The following TG variants were observed in gnomAD, a reference collection of about 807,000 sequenced individuals.
TG encodes thyroid hormones.
TG carries 270 observed loss-of-function variants against 324.7 expected under a neutral mutation model. The observed-to-expected ratio is 0.83, with a 90% CI of 0.75 to 0.92. The LOEUF (loss-of-function observed/expected upper bound fraction) is 0.92. TG is among the 40% of genes least tolerant of loss of function. The pLI, the probability that TG is intolerant of heterozygous loss-of-function variation, is 0.00. For synonymous variants in TG, 1,401 were observed against 1,327.0 expected, an observed-to-expected ratio of 1.06 and a Z score of -1.21; for missense variants, 3,591 against 3,456.4, an observed-to-expected ratio of 1.04 and a Z score of -0.98.
chr8:133,102,554 G>A lies in TG; in HGVS notation c.7572+6181G>A, dbSNP rs186646388. The A allele has an allele frequency of 4.9e-3, 7,553 of 1,551,524 alleles. 29 individuals carry two copies. Among genetic ancestry groups the A allele is most frequent in the Non-Finnish European group, 5.9e-3 (6,715 of 1,146,846 alleles). ...ATGACAGCAAAGTTAGCAACCTACC[G>A]GTGGAGCATCAGGGCTGCCTGAGAT... On this transcript the variant is annotated intron_variant, in intron 43 of 47. Coordinates refer to ENST00000220616, the MANE Select transcript of TG (RefSeq NM_003235.5).
In TG at chr8:133,095,131, C is replaced by T; in HGVS notation, c.7327C>T (p.Pro2443Ser). The change falls in exon 42 of 48, where the codon CCC (proline) becomes TCC (serine). Residue 2443 changes from proline (P) to serine (S), a missense_variant. Coordinates refer to ENST00000220616, the MANE Select transcript of TG (RefSeq NM_003235.5). ...TGCTTTGGCAAAGGAGGTCAGTTGC[C>T]CCATGTCATCCAGCCAAGAAGTGGT... is the stretch of plus-strand genomic sequence containing the variant. The part of the protein sequence containing the change: ...AIALAKEVSC[P>S]MSSSQEVVSC... 1 of 1,614,194 alleles carries T rather than the reference C, an allele frequency of 6.2e-7. No individual in the cohort carries two copies. Among genetic ancestry groups the T allele is most frequent in the Non-Finnish European group, 8.5e-7 (1 of 1,180,024 alleles).
At chr8:133,066,712 G>A (rs1045870210) in intron 41 of TG, among the ~76,000 whole-genome samples, 1 of 152,196 alleles carries the variant, frequency 6.6e-6, no homozygotes, top group Non-Finnish European at 1.5e-5. Flanking sequence ...GGGCAAGTTA[G>A]TTCACTTCTC....
At chr8:132,884,980 T>C (rs1815177045) in intron 8 of TG, among the ~76,000 whole-genome samples, 1 of 152,250 alleles carries the variant, frequency 6.6e-6, no homozygotes, top group South Asian at 2.1e-4. Context: ...ATGGCCTCGT[T>C]GAGGGATGTT....
At chr8:132,985,736 G>A (rs1309947122) in intron 35 of TG, among the ~76,000 whole-genome samples, 1 of 152,126 alleles carries the variant, frequency 6.6e-6, no homozygotes, top group Non-Finnish European at 1.5e-5. Context: ...GGGAGCTGCA[G>A]ATCGTGTGGG....
At chr8:133,132,946 A>G (rs563604605) in intron 46 of TG, among the ~76,000 whole-genome samples, 1 of 152,350 alleles carries the variant, frequency 6.6e-6, no homozygotes, top group East Asian at 1.9e-4. Context: ...GGGAAACGTC[A>G]GGTGGCTGCA....
intron 24 of TG, 99 bp downstream of exon 24, chr8:132,933,775 G>A (rs1823153070): frequency 1.9e-6 from 2 of 1,063,166 alleles, no homozygotes; most frequent in African/African-American, 1.6e-5. Flanking sequence ...ATGGAATGAG[G>A]TTGTCGAGAG....
intron 41 of TG, among the ~76,000 whole-genome samples, chr8:133,083,768 G>A (rs757817330): frequency 4.6e-5 from 7 of 152,060 alleles, no homozygotes; most frequent in Non-Finnish European, 1.0e-4. Context: ...TGTGATGTGG[G>A]TTCCAGAATC....
intron 41 of TG, among the ~76,000 whole-genome samples, chr8:133,081,624 G>T (rs1037343513): frequency 6.6e-6 from 1 of 152,196 alleles, no homozygotes; most frequent in Non-Finnish European, 1.5e-5. Context: ...CACCACAACT[G>T]TCTGCTGCGA....
chr8:132,963,793 A>G (rs1828116637), intron 29 of TG, among the ~76,000 whole-genome samples: 1 of 152,104 alleles, frequency 6.6e-6, no homozygotes, highest in Admixed American at 6.6e-5. Flanking sequence ...GAGCCAGATC[A>G]GACTGCTGGC....
chr8:133,038,465 C>T (rs963278539), intron 41 of TG: 136 of 1,375,250 alleles, frequency 9.9e-5, no homozygotes, highest in Non-Finnish European at 1.4e-4. Context: ...TCGCAAGATC[C>T]CAGGCAATAG....
rs1452162610 is a variant in TG, at chr8:132,923,359, A to G, written c.4550A>G (p.Asn1517Ser). Reference protein sequence around the residue: ...QTHCVTDCQRNEAGLQCDQNG... With the variant: ...QTHCVTDCQRSEAGLQCDQNG... ...CTAGGTGTCACTGACTGTCAGAGGA[A>G]CGAAGCAGGCCTGCAATGTGACCAG... Residue 1517 changes from asparagine to serine, a missense_variant, in exon 22 of 48, where the codon AAC becomes AGC. Transcript: ENST00000220616. 3.1e-6 allele frequency: 5 copies of G among 1,614,114 alleles called. No homozygotes were observed. Among genetic ancestry groups the G allele is most frequent in the Non-Finnish European group, 4.2e-6 (5 of 1,180,024 alleles).
chr8:132,905,674 G>A (rs1818568935), intron 16 of TG, among the ~76,000 whole-genome samples: 1 of 152,168 alleles, frequency 6.6e-6, no homozygotes, highest in Non-Finnish European at 1.5e-5. Context: ...GTGAACAGAG[G>A]AGAGGTGCCC....
chr8:133,022,186 C>T lies in TG; in HGVS notation c.7036+36C>T, dbSNP rs3758114. ...GCCTCTGGTGGGAGCTGCTGACCCC[C>T]TGAGCCAAGGCTCAGCCCCTTTTCC... On this transcript the variant is annotated intron_variant, in intron 40 of 47. Coordinates refer to ENST00000220616, the MANE Select transcript of TG (RefSeq NM_003235.5). 278 of 1,613,664 alleles carry T rather than the reference C, an allele frequency of 1.7e-4. No individual in the cohort carries two copies. The East Asian group carries it at 5.7e-3, about 33-fold the overall frequency.
Position 133,003,094 on chromosome 8 carries a change from G to C in TG, c.6263-8807G>C, listed in dbSNP as rs905871220. 5 of 1,016,616 alleles carry C rather than the reference G, an allele frequency of 4.9e-6. No individual in the cohort carries two copies. The Admixed American group carries it at 2.0e-4, about 41-fold the overall frequency. The allele number at this position is 1,016,616 out of a possible 1,614,324, so 63.0% of individuals were successfully genotyped here. On this transcript the variant is annotated intron_variant, in intron 35 of 47. Transcript: ENST00000220616. Reference sequence around the variant, plus strand: ...TTGTCATTTTGGCGAATTACTGGAAGATGGTGGTTCCAGCTGAAAGGCTTT... The same window carrying C: ...TTGTCATTTTGGCGAATTACTGGAACATGGTGGTTCCAGCTGAAAGGCTTT...
chr8:133,011,667 C>A (rs534711841), intron 35 of TG, among the ~76,000 whole-genome samples: 2 of 152,250 alleles, frequency 1.3e-5, no homozygotes, highest in East Asian at 3.9e-4. Flanking sequence ...CTGTTTGTTT[C>A]GTTCTGTTTT....
Position 133,103,041 on chromosome 8 carries a change from C to G in TG, c.7572+6668C>G, listed in dbSNP as rs185405604. On this transcript the variant is annotated intron_variant, in intron 43 of 47. Transcript: ENST00000220616. Reference sequence around the variant, plus strand: ...TAGTAAGAGGAGTATGCAGGAGTTTCCAGTGTGTGTGTGATTTCCTGAAAG... The same window carrying G: ...TAGTAAGAGGAGTATGCAGGAGTTTGCAGTGTGTGTGTGATTTCCTGAAAG... 1.3e-3 allele frequency: 216 copies of G among 167,838 alleles called. 2 individuals carry two copies. The highest frequency in any genetic ancestry group is 1.6e-3 in the Non-Finnish European group (120 of 76,968). The allele number at this position is 167,838 out of a possible 1,614,324, so 10.4% of individuals were successfully genotyped here. A position where few individuals can be genotyped will look rare whatever the true frequency, so the allele number is the denominator to read the frequency against.
At chr8:132,874,063 T>C (rs1839742423) in intron 5 of TG, among the ~76,000 whole-genome samples, 1 of 152,112 alleles carries the variant, frequency 6.6e-6, no homozygotes, top group African/African-American at 2.4e-5. Flanking sequence ...TCCCAGCTAC[T>C]TGGGAGGCTG....
chr8:132,968,791 C>T (rs60703852), intron 31 of TG, among the ~76,000 whole-genome samples: 13,962 of 152,226 alleles, frequency 0.092, 758 homozygotes, highest in Admixed American at 0.14. Flanking sequence ...CCTTGGGGCA[C>T]GAACCTGGCT....
At chr8:133,053,221 A>G (rs1281432510) in intron 41 of TG, among the ~76,000 whole-genome samples, 3 of 152,066 alleles carry the variant, frequency 2.0e-5, no homozygotes, top group East Asian at 1.9e-4. Flanking sequence ...CTTGGCCCCT[A>G]AGATTTTCCT....
Sources: allele counts gnomAD v4.1 joint callset (sites outside exome capture counted in the v4.1 genomes callset), GRCh38; gene constraint gnomAD v4.1.1; transcripts MANE v1.5; gene names NCBI Gene and HGNC (gene_info 2026-07-23, HGNC 2026-07-21).